Variants in EVC2 observed in about 807,000 individuals in gnomAD.
The protein encoded by EVC2 is limbin.
A neutral mutation model predicts 149.3 loss-of-function variants in EVC2; 148 were observed. The ratio of observed to expected loss-of-function variants is 0.99; its 90% CI spans 0.87 to 1.14. The LOEUF (loss-of-function observed/expected upper bound fraction) is 1.14, where lower values mean the gene tolerates loss of function less well. EVC2 is among the 50% of genes most tolerant of loss of function. EVC2 has a pLI of 0.00. For missense variants in EVC2, 1,854 were observed against 1,627.3 expected (o/e 1.14, Z -2.40); for synonymous variants, 776 against 649.9 (o/e 1.19, Z -2.95).
chr4:5,618,847 A>C lies in EVC2; in HGVS notation c.2502-165T>G, dbSNP rs973085477. ...TGCCACAGGCATTCCTTGAGCACCT[A>C]ATGCATGTCGTGCTGCATAGGACAT... On this transcript the variant is annotated intron_variant, in intron 14 of 21. Transcript: ENST00000344408. The surrounding 1 kb of genome is among the most constrained non-coding windows in gnomAD (Gnocchi z 4.4). 1.3e-5 allele frequency among the ~76,000 whole-genome samples: 2 copies of C among 152,226 alleles called. No individual in the cohort carries two copies. The highest frequency in any genetic ancestry group is 1.3e-4 in the Admixed American group (2 of 15,292).
intron 1 of EVC2, among the ~76,000 whole-genome samples, chr4:5,701,495 T>C (rs1193478988): frequency 6.6e-6 from 1 of 152,116 alleles, no homozygotes; most frequent in Non-Finnish European, 1.5e-5. Context: ...CTGGTTCCCT[T>C]TTACAGAGGC....
intron 16 of EVC2, among the ~76,000 whole-genome samples, chr4:5,590,608 G>A (rs988138292): frequency 1.3e-5 from 2 of 151,446 alleles, no homozygotes; most frequent in Admixed American, 6.6e-5. Context: ...CATTCCTTCC[G>A]GATAATACAC....
chr4:5,676,628 C>A (rs1720011810), intron 7 of EVC2, among the ~76,000 whole-genome samples: 1 of 152,206 alleles, frequency 6.6e-6, no homozygotes, highest in Non-Finnish European at 1.5e-5. Context: ...GCAGTCAACA[C>A]TGGCTTAACC....
At chr4:5,608,690 C>A (rs544590454) in intron 16 of EVC2, among the ~76,000 whole-genome samples, 1 of 152,238 alleles carries the variant, frequency 6.6e-6, no homozygotes, top group South Asian at 2.1e-4. Flanking sequence ...TGCACCACCA[C>A]ACCCAGCTAA....
chr4:5,680,069 C>T (rs1438642947), intron 7 of EVC2, among the ~76,000 whole-genome samples: 1 of 152,140 alleles, frequency 6.6e-6, no homozygotes, highest in East Asian at 1.9e-4. Context: ...CACTCTGTCC[C>T]ACTGGAAGGT....
At chr4:5,655,472 C>T (rs1718455997) in intron 9 of EVC2, among the ~76,000 whole-genome samples, 2 of 152,146 alleles carry the variant, frequency 1.3e-5, no homozygotes, top group African/African-American at 4.8e-5. Context: ...GTCCAGCCTC[C>T]TGCAGTCTCT....
chr4:5,691,739 TCTGGGGG>T (rs935559189), intron 3 of EVC2, among the ~76,000 whole-genome samples: 2 of 152,128 alleles, frequency 1.3e-5, no homozygotes, highest in Non-Finnish European at 2.9e-5. Flanking sequence ...GGGCAGTGTG[TCTGGGGG>T]CTGGGGGCAG....
At chr4:5,606,911 T>C (rs945988370) in intron 16 of EVC2, among the ~76,000 whole-genome samples, 1 of 152,166 alleles carries the variant, frequency 6.6e-6, no homozygotes, top group South Asian at 2.1e-4. Context: ...AATAACTTGC[T>C]CAAGGTCACA....
intron 16 of EVC2, among the ~76,000 whole-genome samples, chr4:5,607,630 T>C (rs1714492019): frequency 6.6e-6 from 1 of 152,276 alleles, no homozygotes; most frequent in Middle Eastern, 3.4e-3. Flanking sequence ...CTCATATTTG[T>C]CGGTCTCTCC....
intron 21 of EVC2, among the ~76,000 whole-genome samples, chr4:5,553,743 A>G (rs980291558): frequency 1.3e-5 from 2 of 152,344 alleles, no homozygotes; most frequent in East Asian, 1.9e-4. Context: ...AAAAGAAAAA[A>G]TAAAGCCTTA....
At chr4:5,534,552 CA>C in the EVC2 span, among the ~76,000 whole-genome samples, 1 of 152,264 alleles carries the variant, frequency 6.6e-6, no homozygotes, top group African/African-American at 2.4e-5. Context: ...GATTGTGATA[CA>C]GTGCTAATAA....
chr4:5,697,543 T>C (rs1215658363), intron 2 of EVC2, 50 bp downstream of exon 2: 10 of 1,593,106 alleles, frequency 6.3e-6, no homozygotes, highest in East Asian at 2.2e-5. Context: ...TTCAGGCTTC[T>C]GGTTTTTCAT....
intron 2 of EVC2, 97 bp downstream of exon 2, chr4:5,697,496 G>A: frequency 8.3e-7 from 1 of 1,211,072 alleles, no homozygotes; most frequent in Admixed American, 1.7e-5. Context: ...GTGCTGGAAG[G>A]ATCAGCAGAG....
intron 17 of EVC2, among the ~76,000 whole-genome samples, chr4:5,581,661 T>G (rs765077515): frequency 1.3e-5 from 2 of 152,192 alleles, no homozygotes; most frequent in Non-Finnish European, 2.9e-5. Context: ...ACCTTATATT[T>G]AAAAGGGAAG....
intron 16 of EVC2, among the ~76,000 whole-genome samples, chr4:5,590,974 T>C (rs754136169): frequency 6.6e-6 from 1 of 152,118 alleles, no homozygotes; most frequent in Admixed American, 6.5e-5. Flanking sequence ...TCATGAGAAC[T>C]CACTCACTAT....
chr4:5,531,498 A>T, the EVC2 span, among the ~76,000 whole-genome samples: 1 of 152,138 alleles, frequency 6.6e-6, no homozygotes, highest in Non-Finnish European at 1.5e-5. Flanking sequence ...GAGTGAGCGA[A>T]GTTTCATCTG....
intron 4 of EVC2, 101 bp downstream of exon 4, chr4:5,691,164 G>A (rs1256476136): frequency 9.6e-6 from 10 of 1,042,178 alleles, no homozygotes; most frequent in Non-Finnish European, 1.5e-5. Context: ...GTGTAGGTAA[G>A]CCCATGATTT....
chr4:5,674,546 C>A (rs967942118), intron 7 of EVC2, among the ~76,000 whole-genome samples: 1 of 152,146 alleles, frequency 6.6e-6, no homozygotes, highest in Admixed American at 6.5e-5. Context: ...ATGCATAGGA[C>A]CCCAGCCAAG....
chr4:5,663,543 C>A (rs1218559512), intron 8 of EVC2, among the ~76,000 whole-genome samples: 1 of 152,220 alleles, frequency 6.6e-6, no homozygotes, highest in Non-Finnish European at 1.5e-5. Context: ...TAACTATCAT[C>A]ATCTTTATCA....
Sources: gnomAD v4.1 joint callset for allele counts (sites outside exome capture counted in the v4.1 genomes callset) on GRCh38, gnomAD v4.1.1 for gene constraint, Gnocchi (gnomAD v3.1) non-coding constraint, MANE v1.5 for transcripts, NCBI Gene and HGNC (gene_info 2026-07-23, HGNC 2026-07-21) for gene names.